AKAP12: variants seen among roughly 807,000 people sequenced by gnomAD.
The protein encoded by AKAP12 is A-kinase anchoring protein 12.
A neutral mutation model predicts 79.9 loss-of-function variants in AKAP12; 32 were observed. That is an observed-to-expected ratio of 0.40 (90% CI 0.30 to 0.54). The LOEUF is 0.54. Among genes scored for constraint, AKAP12 ranks in the 20% least tolerant of loss-of-function variants. The pLI is 0.48. For missense variants in AKAP12, 2,074 were observed against 2,177.0 expected, an observed-to-expected ratio of 0.95 and a Z score of 0.94; for synonymous variants, 808 against 857.0, an observed-to-expected ratio of 0.94 and a Z score of 1.00.
chr6:151,352,844 C>T lies in AKAP12; in HGVS notation c.4453C>T (p.Pro1485Ser). 1 of 1,614,146 alleles carries T rather than the reference C, an allele frequency of 6.2e-7. No individual in the cohort carries two copies. The highest frequency in any genetic ancestry group is 1.3e-5 in the African/African-American group (1 of 75,008). The change falls in exon 4 of 5, where the codon CCA becomes TCA. Residue 1485 changes from proline (P) to serine (S), a missense_variant. By Grantham distance (74) the Pro-to-Ser change is moderately conservative (BLOSUM62 -1). Coordinates refer to ENST00000402676, the MANE Select transcript of AKAP12 (RefSeq NM_005100.4). ...TGPDCQAKST[P>S]VIVSATTKKG... ...GCCCGACTGTCAGGCAAAATCGACA[C>T]CAGTGATAGTATCTGCTACTACCAA...
At chr6:151,326,341 G>C (rs1000480608) in intron 3 of AKAP12, among the ~76,000 whole-genome samples, 6 of 152,074 alleles carry the variant, frequency 3.9e-5, no homozygotes, top group African/African-American at 1.2e-4. Context: ...TTTGCATTTT[G>C]ACTTGTTTAC....
chr6:151,253,961 G>C (rs1797241331), intron 2 of AKAP12, among the ~76,000 whole-genome samples: 1 of 152,030 alleles, frequency 6.6e-6, no homozygotes, highest in African/African-American at 2.4e-5. Context: ...TGCCTCCCTG[G>C]GCCTCCCAAA....
chr6:151,341,196 CAT>C (rs1303862770), intron 3 of AKAP12, among the ~76,000 whole-genome samples: 2 of 151,986 alleles, frequency 1.3e-5, no homozygotes, highest in Non-Finnish European at 2.9e-5. Flanking sequence ...GGATTACAGA[CAT>C]GTGCCACCAC....
chr6:151,336,974 T>C (rs1777829445), intron 3 of AKAP12, among the ~76,000 whole-genome samples: 1 of 152,152 alleles, frequency 6.6e-6, no homozygotes, highest in African/African-American at 2.4e-5. Flanking sequence ...TGCTCTTTAA[T>C]TTTCTTCCCC....
Position 151,286,943 on chromosome 6 carries a change from C to CT in AKAP12, c.163-18791dup, listed in dbSNP as rs979438335. ...GGGTAAGCATATTTTCTTTTTCTTTCTTTTTTTTTTTTTGAGACGGAGTCT... is the reference window on the plus strand; with the variant it reads ...GGGTAAGCATATTTTCTTTTTCTTTCTTTTTTTTTTTTTTGAGACGGAGTCT... On this transcript the variant is annotated intron_variant, in intron 2 of 4. Coordinates refer to ENST00000402676, the MANE Select transcript of AKAP12 (RefSeq NM_005100.4). Among the ~76,000 whole-genome samples the CT allele has an allele frequency of 2.3e-3, 341 of 146,004 alleles. 1 individual carries two copies. The highest frequency in any genetic ancestry group is 5.6e-3 in the South Asian group (26 of 4,604).
chr6:151,249,422 C>T (rs1433181860), intron 2 of AKAP12, among the ~76,000 whole-genome samples: 1 of 152,190 alleles, frequency 6.6e-6, no homozygotes, highest in Non-Finnish European at 1.5e-5. Context: ...TCAAGTGATC[C>T]TCTTGCCTTG....
chr6:151,321,063 T>C (rs1316008681), intron 3 of AKAP12, among the ~76,000 whole-genome samples: 1 of 151,990 alleles, frequency 6.6e-6, no homozygotes, highest in Non-Finnish European at 1.5e-5. Flanking sequence ...CTCAGCTCAC[T>C]GCAACCTTCA....
At chr6:151,321,029 C>T (rs1350287621) in intron 3 of AKAP12, among the ~76,000 whole-genome samples, 6 of 151,612 alleles carry the variant, frequency 4.0e-5, no homozygotes, top group Non-Finnish European at 7.4e-5. Flanking sequence ...CTCTGTTGCC[C>T]AGGCTGGAGT....
intron 3 of AKAP12, among the ~76,000 whole-genome samples, chr6:151,321,434 C>T (rs1777383921): frequency 6.6e-6 from 1 of 152,178 alleles, no homozygotes; most frequent in African/African-American, 2.4e-5. Flanking sequence ...TGGAATTAAA[C>T]CGTGTATGCT....
chr6:151,280,612 CTCTTTTCTTTTCTT>C (rs1776383964), intron 2 of AKAP12: 2 of 150,732 alleles, frequency 1.3e-5, no homozygotes, highest in East Asian at 3.9e-4. Flanking sequence ...CAAACGAGCG[CTCTTTTCTTTTCTT>C]TCTTTTTCTT....
chr6:151,346,216 C>A (rs1221496234), intron 3 of AKAP12, among the ~76,000 whole-genome samples: 2 of 152,122 alleles, frequency 1.3e-5, no homozygotes, highest in Non-Finnish European at 2.9e-5. Flanking sequence ...TAATTTAACA[C>A]AATACATCTC....
intron 3 of AKAP12, among the ~76,000 whole-genome samples, chr6:151,337,952 G>A (rs139787285): frequency 6.6e-6 from 1 of 152,184 alleles, no homozygotes; most frequent in Non-Finnish European, 1.5e-5. Flanking sequence ...CTGGAGAATC[G>A]CTTGAGCCCT....
intron 3 of AKAP12, chr6:151,324,047 C>T (rs983338430): frequency 4.8e-5 from 47 of 985,410 alleles, no homozygotes; most frequent in Non-Finnish European, 5.5e-5. Flanking sequence ...AGAGGAATGG[C>T]CAAGTTGCCC....
intron 3 of AKAP12, among the ~76,000 whole-genome samples, chr6:151,343,739 G>A (rs1442021285): frequency 1.3e-5 from 2 of 152,074 alleles, no homozygotes; most frequent in Non-Finnish European, 2.9e-5. Context: ...AGCTGAGATC[G>A]AGCCACTGCA....
intron 2 of AKAP12, among the ~76,000 whole-genome samples, chr6:151,303,025 T>C (rs1180444955): frequency 2.6e-5 from 4 of 151,450 alleles, no homozygotes; most frequent in African/African-American, 7.3e-5. Flanking sequence ...AAATCCCGTC[T>C]CTACTAAAAA....
intron 3 of AKAP12, among the ~76,000 whole-genome samples, chr6:151,316,925 A>C (rs1777249229): frequency 6.6e-6 from 1 of 152,164 alleles, no homozygotes; most frequent in Non-Finnish European, 1.5e-5. Flanking sequence ...GGCGTGAGCC[A>C]CCACACCCGG....
intron 3 of AKAP12, among the ~76,000 whole-genome samples, chr6:151,335,864 G>A (rs11967023): frequency 8.0e-4 from 122 of 152,264 alleles, no homozygotes; most frequent in African/African-American, 2.6e-3. Context: ...TAGTGTACCC[G>A]TCACCGGAGT....
At chr6:151,341,712 C>G in intron 3 of AKAP12, 1 of 1,259,360 alleles carries the variant, frequency 7.9e-7, no homozygotes, top group South Asian at 1.3e-5. Context: ...ACCCAAGCGG[C>G]AGTTCGCCCC....
chr6:151,263,548 C>G (rs1199000407), intron 2 of AKAP12, among the ~76,000 whole-genome samples: 1 of 152,042 alleles, frequency 6.6e-6, no homozygotes, highest in Non-Finnish European at 1.5e-5. Flanking sequence ...CATTTTTACT[C>G]ACTATACTCT....
Sources: allele counts gnomAD v4.1 joint callset (sites outside exome capture counted in the v4.1 genomes callset), GRCh38; gene constraint gnomAD v4.1.1; transcripts MANE v1.5; gene names NCBI Gene and HGNC (gene_info 2026-07-23, HGNC 2026-07-21).